CIZ1: variants seen among roughly 807,000 people sequenced by gnomAD.
CIZ1 encodes the protein cip1-interacting zinc finger protein.
CIZ1 carries 58 observed loss-of-function variants against 118.6 expected under a neutral mutation model. The ratio of observed to expected loss-of-function variants is 0.49; its 90% confidence interval spans 0.40 to 0.61. The LOEUF (loss-of-function observed/expected upper bound fraction) is 0.61, where lower values mean the gene tolerates loss of function less well. Among genes scored for constraint, CIZ1 ranks in the 20% least tolerant of loss-of-function variants. The pLI, the probability that CIZ1 is intolerant of heterozygous loss-of-function variation, is 0.00. For missense variants in CIZ1, 921 were observed against 1,115.9 expected, an observed-to-expected ratio of 0.83 and a Z score of 2.49; for synonymous variants, 448 against 443.4, an observed-to-expected ratio of 1.01 and a Z score of -0.13.
chr9:128,195,654 A>G (rs1238238365), upstream of CIZ1, among the ~76,000 whole-genome samples: 2 of 151,870 alleles, frequency 1.3e-5, no homozygotes, highest in African/African-American at 4.8e-5. Context: ...TTATCTATCT[A>G]TCCCTTCTCA....
chr9:128,191,637 C>T, upstream of CIZ1: 4 of 1,227,108 alleles, frequency 3.3e-6, no homozygotes, highest in Non-Finnish European at 4.1e-6. The surrounding 1 kb of genome is among the most constrained non-coding windows in gnomAD (Gnocchi z 5.5). Flanking sequence ...CAGGCGCCTC[C>T]GGCCGCGCCA....
chr9:128,185,108 G>A (rs113766156), intron 5 of CIZ1, among the ~76,000 whole-genome samples: 19,944 of 151,848 alleles, frequency 0.13, 2,446 homozygotes, highest in East Asian at 0.43. Context: ...GAGAAACCCC[G>A]TCTTTACTAA....
At chr9:128,178,560 AGAACC>A in intron 8 of CIZ1, 70 bp from the exon 9 acceptor site, 1 of 1,609,822 alleles carries the variant, frequency 6.2e-7, no homozygotes, top group Non-Finnish European at 8.5e-7. Flanking sequence ...GTCCGCAGCC[AGAACC>A]TTGAGGCCCC....
intron 4 of CIZ1, 135 bp from the exon 5 acceptor site, chr9:128,185,911 C>A: frequency 1.4e-6 from 1 of 700,240 alleles, no homozygotes; most frequent in South Asian, 1.6e-5. Flanking sequence ...CAAGGGCAGC[C>A]AAAGGGAAGA....
At chr9:128,195,646 ATCTATCTATCCCTTCTCATGGAC>A (rs1220965876), upstream of CIZ1, among the ~76,000 whole-genome samples, 4 of 151,992 alleles carry the variant, frequency 2.6e-5, no homozygotes, top group African/African-American at 7.2e-5. Context: ...CCAGGACTTT[ATCTATCTATCCCTTCTCATGGAC>A]TCTATCTATC....
chr9:128,190,968 G>A (rs1367754501), intron 1 of CIZ1, 106 bp from the exon 2 acceptor site: 17 of 1,420,630 alleles, frequency 1.2e-5, no homozygotes, highest in Non-Finnish European at 1.5e-5. Flanking sequence ...AGAGACTGCT[G>A]AGGAGCTTCA....
chr9:128,178,266 G>C (rs1004474800), intron 9 of CIZ1, 103 bp downstream of exon 9: 1 of 1,370,146 alleles, frequency 7.3e-7, no homozygotes, highest in Non-Finnish European at 9.9e-7. Context: ...TTCACGGTGG[G>C]GGAAACACAA....
chr9:128,199,489 C>A (rs1833457742), intron 1 of CIZ1, among the ~76,000 whole-genome samples: 1 of 152,006 alleles, frequency 6.6e-6, no homozygotes, highest in African/African-American at 2.4e-5. Context: ...TCACTTGAAA[C>A]CAGGAGTTCA....
chr9:128,185,275 T>A lies in CIZ1; in HGVS notation c.588+272A>T, dbSNP rs972428994. Among the ~76,000 whole-genome samples the A allele has an allele frequency of 3.3e-5, 5 of 152,046 alleles. No homozygotes were observed. The East Asian group carries it at 7.8e-4, about 24-fold the overall frequency. On this transcript the variant is annotated intron_variant, in intron 5 of 16. Coordinates refer to ENST00000372938, the MANE Select transcript of CIZ1 (RefSeq NM_001131016.2). ...CCTGGGCAATAAGAGCGAAACTTCA[T>A]CTCAAAAAACAAACAAAAAAGAAAC...
At chr9:128,185,820 G>C (rs374837543) in intron 4 of CIZ1, 44 bp from the exon 5 acceptor site, 90 of 1,373,392 alleles carry the variant, frequency 6.6e-5, no homozygotes, top group Non-Finnish European at 9.1e-5. Context: ...AATGTGGTCG[G>C]GTGGCAGAAG....
chr9:128,184,483 GTGC>G (rs1322937845), intron 5 of CIZ1, among the ~76,000 whole-genome samples: 3 of 137,628 alleles, frequency 2.2e-5, no homozygotes, highest in African/African-American at 7.7e-5. Flanking sequence ...CTACTGGGCA[GTGC>G]TGATTTTTTT....
rs765465390 is a variant in CIZ1, at chr9:128,190,491, C to T, written c.171-47G>A. 3 of 1,463,916 alleles carry T rather than the reference C, an allele frequency of 2.0e-6. No homozygotes were observed. In the African/African-American group the frequency reaches 4.2e-5, roughly 20 times the overall value. The allele number at this position is 1,463,916 out of a possible 1,614,324, so 90.7% of individuals were successfully genotyped here. A position where few individuals can be genotyped will look rare whatever the true frequency, so the allele number is the denominator to read the frequency against. ...CAGAGGGTTATTTGGAAAGTCAGAC[C>T]TTCCTTCTTCCCCAAGGCTTCTCAC... On this transcript the variant is annotated intron_variant, in intron 2 of 16. Transcript: ENST00000372938.
At chr9:128,180,986 T>C (rs1831527465) in intron 5 of CIZ1, among the ~76,000 whole-genome samples, 172 bp from the exon 6 acceptor site, 2 of 152,144 alleles carry the variant, frequency 1.3e-5, no homozygotes, top group African/African-American at 2.4e-5. Flanking sequence ...GTCCCAACCA[T>C]GGTGTCTAGG....
Position 128,189,415 on chromosome 9 carries a change from C to G in CIZ1, c.286+914G>C, listed in dbSNP as rs1030156420. ...AGAGTGACAACCATCTAATCAATAC[C>G]GACTTGTTATGTAATCTTGGGCACA... On this transcript the variant is annotated intron_variant, in intron 3 of 16. Transcript: ENST00000372938. Among the ~76,000 whole-genome samples the G allele has an allele frequency of 2.0e-5, 3 of 152,190 alleles. No homozygotes were observed. The South Asian group carries it at 6.2e-4, about 32-fold the overall frequency.
upstream of CIZ1, chr9:128,191,791 C>T (rs2131034703): frequency 7.0e-7 from 1 of 1,433,472 alleles, no homozygotes; most frequent in Non-Finnish European, 9.1e-7. The surrounding 1 kb of genome is among the most constrained non-coding windows in gnomAD (Gnocchi z 5.5). Flanking sequence ...GTCCGTCTGC[C>T]GCCCGGAAGG....
At chr9:128,180,945 G>C (rs1464982403) in intron 5 of CIZ1, 131 bp from the exon 6 acceptor site, 17 of 674,252 alleles carry the variant, frequency 2.5e-5, no homozygotes, top group African/African-American at 3.7e-5. Flanking sequence ...CCTGGCCCCA[G>C]AGTTGCCGAG....
At chr9:128,172,230 C>T (rs1378850826) in intron 11 of CIZ1, among the ~76,000 whole-genome samples, 3 of 151,122 alleles carry the variant, frequency 2.0e-5, no homozygotes, top group Non-Finnish European at 4.4e-5. Context: ...TGGTGGCTCA[C>T]GCCTGTAATC....
upstream of CIZ1, chr9:128,191,970 G>A: frequency 7.4e-7 from 1 of 1,356,092 alleles, no homozygotes. This position sits in a 1 kb window ranked among gnomAD's most constrained non-coding sequence, Gnocchi z 5.5. Context: ...AGGCGAGAGG[G>A]CGGCCAAGGT....
rs11788797 is a variant in CIZ1 at position 128,179,462 on chromosome 9, C to A, written c.792-47G>T. ...TCCCAGTCATGTCTTCAAAGAGGCC[C>A]CAGGGGCTCCCAAGTAAGGCCAAAA... On this transcript the variant is annotated intron_variant, in intron 7 of 16. Transcript: ENST00000372938. 27 of 1,515,376 alleles carry A rather than the reference C, an allele frequency of 1.8e-5. No homozygotes were observed. In the South Asian group the frequency reaches 2.8e-4, roughly 16 times the overall value. The allele number at this position is 1,515,376 out of a possible 1,614,324, so 93.9% of individuals were successfully genotyped here. A position where few individuals can be genotyped will look rare whatever the true frequency, so the allele number is the denominator to read the frequency against.
Sources: allele counts gnomAD v4.1 joint callset (sites outside exome capture counted in the v4.1 genomes callset), GRCh38; gene constraint gnomAD v4.1.1; non-coding constraint Gnocchi (gnomAD v3.1); transcripts MANE v1.5; gene names NCBI Gene and HGNC (gene_info 2026-07-23, HGNC 2026-07-21).